The following TANC2 variants were observed in gnomAD, a reference collection of about 807,000 sequenced individuals.
TANC2 encodes protein TANC2.
Under a neutral mutation model 210.5 loss-of-function variants are expected in TANC2, and 26 were observed. The ratio of observed to expected loss-of-function variants is 0.12; its 90% confidence interval spans 0.09 to 0.17. The LOEUF (loss-of-function observed/expected upper bound fraction) is 0.17, where lower values mean the gene tolerates loss of function less well. Among genes scored for constraint, TANC2 ranks in the 10% least tolerant of loss-of-function variants. TANC2 has a pLI of 1.00. For missense variants in TANC2, 2,129 were observed against 2,608.9 expected (o/e 0.82, Z 4.01); for synonymous variants, 931 against 967.1 (o/e 0.96, Z 0.69).
At chr17:63,283,244 C>T (rs1233834344) in intron 9 of TANC2, among the ~76,000 whole-genome samples, 4 of 151,806 alleles carry the variant, frequency 2.6e-5, no homozygotes, top group Non-Finnish European at 4.4e-5. Flanking sequence ...CTACTGGATT[C>T]CTTTTGTACC....
At chr17:63,270,911 T>C (rs959569898) in intron 9 of TANC2, among the ~76,000 whole-genome samples, 13 of 152,162 alleles carry the variant, frequency 8.5e-5, no homozygotes, top group African/African-American at 2.9e-4. Flanking sequence ...AGTGAGAACA[T>C]GCGGCATTTG....
chr17:63,426,488 C>T (rs1158045079), exon 28 of TANC2: 1 of 152,238 alleles, frequency 6.6e-6, no homozygotes, highest in Non-Finnish European at 1.5e-5. Context: ...ACAGACCACT[C>T]AAGGGCTGAA....
At chr17:63,059,134 T>C (rs981730220) in intron 2 of TANC2, among the ~76,000 whole-genome samples, 35 of 152,092 alleles carry the variant, frequency 2.3e-4, no homozygotes, top group Non-Finnish European at 4.9e-4. Flanking sequence ...AATTTTTTTA[T>C]GTTTTTTTTA....
intron 7 of TANC2, among the ~76,000 whole-genome samples, chr17:63,206,746 T>C (rs1034754432): frequency 6.6e-6 from 1 of 152,154 alleles, no homozygotes; most frequent in African/African-American, 2.4e-5. Context: ...AGTTATTGTT[T>C]AATGGATACA....
Position 63,396,708 on chromosome 17 carries a change from T to C in TANC2, c.3237+780T>C, listed in dbSNP as rs558049461. 9.4e-4 allele frequency: 143 copies of C among 152,174 alleles called. 1 individual carries two copies. The highest frequency in any genetic ancestry group is 3.2e-3 in the African/African-American group (133 of 41,484). 9.4% of individuals were successfully genotyped at this position (152,174 alleles called of 1,614,324 possible). On this transcript the variant is annotated intron_variant, in intron 18 of 27. Coordinates refer to ENST00000689528, the Ensembl canonical transcript of TANC2. Reference sequence around the variant, plus strand: ...CTGAAGGCCAGTATCCTAAGTGAATTAACACAGGAACAGAAAACCAAATAC... The same window carrying C: ...CTGAAGGCCAGTATCCTAAGTGAATCAACACAGGAACAGAAAACCAAATAC...
At chr17:63,405,077 G>A (rs1193711936) in intron 19 of TANC2, 45 bp from the exon 20 acceptor site, 2 of 1,536,024 alleles carry the variant, frequency 1.3e-6, no homozygotes, top group Non-Finnish European at 1.8e-6. Context: ...GAGCGCTGGA[G>A]AGGACCAGAA....
At chr17:63,093,317 T>C (rs1191664309) in intron 3 of TANC2, among the ~76,000 whole-genome samples, 1 of 152,056 alleles carries the variant, frequency 6.6e-6, no homozygotes, top group African/African-American at 2.4e-5. Flanking sequence ...TGCTTCAAGG[T>C]CCGTGTTTTT....
chr17:63,306,332 T>A (rs1348782014), intron 9 of TANC2, among the ~76,000 whole-genome samples: 1 of 152,260 alleles, frequency 6.6e-6, no homozygotes, highest in African/African-American at 2.4e-5. Flanking sequence ...GTTTGTGATA[T>A]AATGACACCC....
intron 2 of TANC2, among the ~76,000 whole-genome samples, chr17:63,011,330 T>G (rs956266226): frequency 2.0e-5 from 3 of 152,180 alleles, no homozygotes; most frequent in Middle Eastern, 3.2e-3. Flanking sequence ...TTTTATTCTT[T>G]TGATATTTAT....
chr17:63,205,363 A>AAAAAAAC, intron 7 of TANC2, among the ~76,000 whole-genome samples: 1 of 148,216 alleles, frequency 6.7e-6, no homozygotes, highest in Non-Finnish European at 1.5e-5. Flanking sequence ...AAAAAAAAAA[A>AAAAAAAC]AAAAAAAAAC....
chr17:63,063,529 G>GAC (rs2036071110), intron 2 of TANC2, among the ~76,000 whole-genome samples: 1 of 129,310 alleles, frequency 7.7e-6, no homozygotes, highest in African/African-American at 3.2e-5. Flanking sequence ...CTGGGACAAA[G>GAC]ACGTGTGTGT....
intron 9 of TANC2, among the ~76,000 whole-genome samples, chr17:63,307,638 G>C (rs2044966108): frequency 6.6e-6 from 1 of 152,188 alleles, no homozygotes; most frequent in South Asian, 2.1e-4. Context: ...CATAATCACA[G>C]AAGAATATTG....
intron 1 of TANC2, among the ~76,000 whole-genome samples, chr17:62,991,590 A>G (rs946210762): frequency 1.3e-5 from 2 of 151,738 alleles, no homozygotes; most frequent in African/African-American, 2.4e-5. Flanking sequence ...CAGTGAGCCA[A>G]GATCACGCCA....
chr17:63,242,375 T>A (rs1335625165), intron 8 of TANC2, among the ~76,000 whole-genome samples: 1 of 151,930 alleles, frequency 6.6e-6, no homozygotes, highest in Non-Finnish European at 1.5e-5. Flanking sequence ...ATATTTCTGA[T>A]TCTTTAAAAT....
At position 62,971,826 on chromosome 17, in the gene TANC2, C is replaced by T. The variant is rs189786207; in HGVS notation, c.-24+5077C>T. On this transcript the variant is annotated intron_variant, in intron 1 of 27. Coordinates refer to ENST00000689528, the Ensembl canonical transcript of TANC2. ...TTGTGAACTGCTCATGAGAGGGATC[C>T]GGGTTGTCCGTCCTTATGAGAATCT... Among the ~76,000 whole-genome samples the T allele has an allele frequency of 1.3e-3, 205 of 152,250 alleles. 1 individual carries two copies. Among genetic ancestry groups the T allele is most frequent in the African/African-American group, 4.8e-3 (201 of 41,540 alleles).
At chr17:63,361,321 G>A (rs1030803684) in intron 14 of TANC2, among the ~76,000 whole-genome samples, 3 of 152,206 alleles carry the variant, frequency 2.0e-5, no homozygotes, top group South Asian at 2.1e-4. Context: ...CACTCAGCTC[G>A]TGCTACTGGC....
At chr17:63,220,289 C>T (rs1337003781) in intron 7 of TANC2, among the ~76,000 whole-genome samples, 1 of 148,558 alleles carries the variant, frequency 6.7e-6, no homozygotes, top group African/African-American at 2.5e-5. Context: ...AGCAAGACTC[C>T]GTCTCATAAA....
intron 5 of TANC2, among the ~76,000 whole-genome samples, chr17:63,160,607 G>A (rs2039993823): frequency 6.6e-6 from 1 of 152,062 alleles, no homozygotes; most frequent in South Asian, 2.1e-4. Flanking sequence ...AGGTGCTTCA[G>A]TGAACATACT....
chr17:63,036,432 G>C (rs1238195794), intron 2 of TANC2, among the ~76,000 whole-genome samples: 1 of 152,098 alleles, frequency 6.6e-6, no homozygotes, highest in African/African-American at 2.4e-5. Flanking sequence ...TATTTATTTA[G>C]ATGTATTTCT....
Sources: gnomAD v4.1 joint callset for allele counts (sites outside exome capture counted in the v4.1 genomes callset) on GRCh38, gnomAD v4.1.1 for gene constraint, MANE v1.5 for transcripts, NCBI Gene and HGNC (gene_info 2026-07-23, HGNC 2026-07-21) for gene names.